Variants in BSCL2 observed in about 807,000 individuals in gnomAD.
BSCL2 encodes the protein BSCL2 lipid droplet biogenesis associated, seipin, also known as seipin.
In BSCL2, 41 loss-of-function variants were observed where a neutral mutation model predicts 57.4. The observed-to-expected ratio is 0.71, with a 90% CI of 0.56 to 0.93. The LOEUF (loss-of-function observed/expected upper bound fraction) is 0.93, where lower values mean the gene tolerates loss of function less well. Among genes scored for constraint, BSCL2 ranks in the 40% least tolerant of loss-of-function variants. The pLI is 0.00. For missense variants in BSCL2, 539 were observed against 586.7 expected (o/e 0.92, Z 0.84); for synonymous variants, 237 against 227.3 (o/e 1.04, Z -0.38).
intron 3 of BSCL2, among the ~76,000 whole-genome samples, chr11:62,701,869 G>C (rs888427434): frequency 6.6e-6 from 1 of 151,524 alleles, no homozygotes; most frequent in Non-Finnish European, 1.5e-5. Context: ...AAAACAGAAT[G>C]GTTGTATAGG....
intron 2 of BSCL2, among the ~76,000 whole-genome samples, chr11:62,703,150 C>CAAAA (rs35672317): frequency 1.4e-5 from 2 of 139,048 alleles, no homozygotes; most frequent in African/African-American, 5.4e-5. Context: ...AACTCCATCT[C>CAAAA]AAAAAAAAAA....
intron 1 of BSCL2, chr11:62,706,336 G>A (rs2083535288): frequency 2.7e-6 from 3 of 1,115,486 alleles, no homozygotes; most frequent in South Asian, 3.7e-5. Context: ...TCCGCCGGCC[G>A]CTTTTGTAGC....
Position 62,702,520 on chromosome 11 carries a change from A to G in BSCL2, c.434T>C (p.Leu145Pro). 1 of 1,612,850 alleles carries G rather than the reference A, an allele frequency of 6.2e-7. No individual in the cohort carries two copies. The highest frequency in any genetic ancestry group is 2.2e-5 in the East Asian group (1 of 44,834). Residue 145 changes from leucine (L) to proline (P), a missense_variant, in exon 3 of 11, where the codon CTC (leucine) becomes CCC (proline). Around this residue, in one of 3 missense-constraint regions of BSCL2, gnomAD observed 218 missense variants for 224.8 expected, o/e 0.97. Transcript: ENST00000360796. ...GACATTGGCAACAGGGAAGGAGCAG[A>G]GTGAGGTGGTGGAGGAATCACAGTC... ...RTDCDSSTTS[L>P]CSFPVANVSL...
At position 62,691,295 on chromosome 11, in the gene BSCL2, G is replaced by A; in HGVS notation, c.990C>T (p.His330=). Residue 330 remains histidine, a synonymous_variant, in exon 7 of 11, where the codon CAC becomes CAT. Transcript: ENST00000360796. ...QWVWGGIWPR[H]RFSLQVNIRK... is the part of the protein sequence containing the mutation. Reference sequence around the variant, plus strand: ...CCCTTTCGACCTGCAAAGAGAAGCGGTGTCGGGGCCAGATGCCCCCCCACA... The same window carrying A: ...CCCTTTCGACCTGCAAAGAGAAGCGATGTCGGGGCCAGATGCCCCCCCACA... The A allele has an allele frequency of 1.2e-6, 2 of 1,614,176 alleles. No individual in the cohort carries two copies. The highest frequency in any genetic ancestry group is 1.3e-5 in the African/African-American group (1 of 75,036).
At chr11:62,691,477 T>C (rs183671101) in intron 6 of BSCL2, 56 bp from the exon 7 acceptor site, 99 of 1,589,550 alleles carry the variant, frequency 6.2e-5, no homozygotes, top group Admixed American at 1.8e-4. Context: ...AGCACCAGCC[T>C]TCTCATGTCC....
intron 1 of BSCL2, chr11:62,706,532 A>G (rs2083541688): frequency 2.2e-6 from 1 of 453,542 alleles, no homozygotes; most frequent in South Asian, 1.6e-5. Context: ...GCAGGCCCCA[A>G]GATGTGCCCC....
intron 3 of BSCL2, among the ~76,000 whole-genome samples, chr11:62,696,276 T>TGTGTGTG (rs1554984014): frequency 9.8e-5 from 5 of 51,028 alleles, no homozygotes; most frequent in African/African-American, 2.1e-4. Flanking sequence ...TTCATAAACT[T>TGTGTGTG]TTTGTGTGTG....
At chr11:62,702,612 C>T in intron 2 of BSCL2, 63 bp from the exon 3 acceptor site, 3 of 1,438,894 alleles carry the variant, frequency 2.1e-6, no homozygotes, top group South Asian at 1.2e-5. Context: ...CATACACCTT[C>T]TTTGCCCCCT....
chr11:62,705,321 G>T lies in BSCL2; in HGVS notation c.384C>A (p.Ser128Arg). The change falls in exon 2 of 11, where the codon AGC becomes AGA. Residue 128 changes from serine (S) to arginine (R), a missense_variant. Ser to Arg is a moderately radical substitution (Grantham distance 110, BLOSUM62 -1). Around this residue, in one of 3 missense-constraint regions of BSCL2, gnomAD observed 218 missense variants for 224.8 expected, o/e 0.97. Transcript: ENST00000360796. ...CTCACCTGTAGTAGAAATGCACAGG[G>T]CTGAGGTGGCTGACTGTCGGCATAT... ...YSYMPTVSHL[S>R]PVHFYYRTDC... is the part of the protein sequence containing the mutation. The T allele has an allele frequency of 6.2e-7, 1 of 1,612,854 alleles. No individual in the cohort carries two copies. The highest frequency in any genetic ancestry group is 1.7e-5 in the Admixed American group (1 of 59,710).
upstream of BSCL2, chr11:62,708,718 C>A: frequency 1.2e-6 from 2 of 1,613,996 alleles, no homozygotes; most frequent in Non-Finnish European, 1.7e-6. Flanking sequence ...TACTGTGATG[C>A]CCACGCCTGT....
chr11:62,701,610 T>C (rs1229611867), intron 3 of BSCL2, among the ~76,000 whole-genome samples: 4 of 152,008 alleles, frequency 2.6e-5, no homozygotes, highest in African/African-American at 9.7e-5. Flanking sequence ...GGCGGGCAGA[T>C]CACAAGGTCA....
At position 62,692,741 on chromosome 11, in the gene BSCL2, A is replaced by T. The variant is rs995016248; in HGVS notation, c.687T>A (p.Ser229=). The T allele has an allele frequency of 1.9e-6, 3 of 1,614,100 alleles. No homozygotes were observed. In the South Asian group the frequency reaches 3.3e-5, roughly 18 times the overall value. Residue 229 remains serine (S), a synonymous_variant, in exon 5 of 11, where the codon TCT becomes TCA. Coordinates refer to ENST00000360796, the MANE Select transcript of BSCL2 (RefSeq NM_001122955.4). The stretch of plus-strand genomic sequence containing the variant: ...CTGCAAAGCCAAATAGCAGGAGGCT[A>T]GAGAAGACCAGTGTGTCCAGCATCT... ...LLQMLDTLVF[S]SLLLFGFAEQ...
At chr11:62,707,964 G>C (rs2083570649), upstream of BSCL2, 3 of 363,360 alleles carry the variant, frequency 8.3e-6, no homozygotes. Flanking sequence ...GGAGCAGACA[G>C]GGGTGATGTG....
upstream of BSCL2, chr11:62,707,603 G>A (rs1420550018): frequency 3.7e-6 from 2 of 540,788 alleles, no homozygotes; most frequent in South Asian, 2.0e-5. Context: ...CAGTGGGGGT[G>A]TGCGCAGGGA....
chr11:62,700,422 C>T (rs1402561525), intron 3 of BSCL2, among the ~76,000 whole-genome samples: 1 of 152,030 alleles, frequency 6.6e-6, no homozygotes, highest in African/African-American at 2.4e-5. Flanking sequence ...GGGCAGATCA[C>T]CTGAGATCAT....
chr11:62,706,280 C>T lies in BSCL2; in HGVS notation c.88-663G>A, dbSNP rs117862461. The T allele has an allele frequency of 0.021, 23,077 of 1,108,064 alleles. 313 individuals are homozygous for T. The highest frequency in any genetic ancestry group is 0.024 in the Non-Finnish European group (21,902 of 894,744). The allele number at this position is 1,108,064 out of a possible 1,614,324, so 68.6% of individuals were successfully genotyped here. A position where few individuals can be genotyped will look rare whatever the true frequency, so the allele number is the denominator to read the frequency against. On this transcript the variant is annotated intron_variant, in intron 1 of 10. Coordinates refer to ENST00000360796, the MANE Select transcript of BSCL2 (RefSeq NM_001122955.4). ...TCACCAGCCTCGCGCGCTGCCAGGG[C>T]AACCGTGAGACGGGACTTCCGGCTC...
At chr11:62,700,963 A>G (rs958513116) in intron 3 of BSCL2, among the ~76,000 whole-genome samples, 4 of 152,044 alleles carry the variant, frequency 2.6e-5, no homozygotes, top group Non-Finnish European at 5.9e-5. Context: ...AAAAAAAAAA[A>G]AAGAACGTAT....
intron 1 of BSCL2, chr11:62,706,735 A>G: frequency 2.0e-6 from 1 of 507,304 alleles, no homozygotes; most frequent in Non-Finnish European, 4.0e-6. Flanking sequence ...ATTCGCCTAG[A>G]GCATGTTGCA....
At chr11:62,696,730 T>A (rs1357018219) in intron 3 of BSCL2, among the ~76,000 whole-genome samples, 1 of 152,092 alleles carries the variant, frequency 6.6e-6, no homozygotes, top group Non-Finnish European at 1.5e-5. Flanking sequence ...GCTAATTTTT[T>A]ATTTTTTTGT....
Sources: gnomAD v4.1 joint callset for allele counts (sites outside exome capture counted in the v4.1 genomes callset) on GRCh38, gnomAD v4.1.1 for gene constraint, gnomAD v4.1.1 regional missense constraint, MANE v1.5 for transcripts, NCBI Gene and HGNC (gene_info 2026-07-23, HGNC 2026-07-21) for gene names.